Variants in FAM81A observed in about 807,000 individuals in gnomAD.
The protein encoded by FAM81A is protein FAM81A.
A neutral mutation model predicts 46.7 loss-of-function variants in FAM81A; 19 were observed. That is an observed-to-expected ratio of 0.41 (90% confidence interval 0.28 to 0.60). FAM81A has a LOEUF of 0.60. Among genes scored for constraint, FAM81A ranks in the 20% least tolerant of loss-of-function variants. FAM81A has a pLI of 0.34. For missense variants in FAM81A, 377 were observed against 453.5 expected (o/e 0.83, Z 1.53); for synonymous variants, 183 against 152.9 (o/e 1.20, Z -1.45).
At chr15:59,465,355 C>A (rs4775169) in intron 3 of FAM81A, among the ~76,000 whole-genome samples, 6 of 152,078 alleles carry the variant, frequency 3.9e-5, no homozygotes, top group African/African-American at 1.2e-4. Flanking sequence ...TCACGGCAAC[C>A]TCAGCCTCCC....
At chr15:59,471,646 T>C (rs1377807539) in intron 3 of FAM81A, among the ~76,000 whole-genome samples, 1 of 151,478 alleles carries the variant, frequency 6.6e-6, no homozygotes, top group Non-Finnish European at 1.5e-5. Context: ...TATTTTTTTT[T>C]TTTGTAGAGA....
chr15:59,402,110 G>A (rs9302209), intron 1 of FAM81A: 376,140 of 376,190 alleles, frequency 1, 188,046 homozygotes, highest in Non-Finnish European at 1. Context: ...CCTGACAGGA[G>A]AGTGATTTTA....
At chr15:59,509,966 G>A (rs1483778788) in intron 6 of FAM81A, among the ~76,000 whole-genome samples, 7 of 152,128 alleles carry the variant, frequency 4.6e-5, no homozygotes, top group African/African-American at 1.7e-4. Flanking sequence ...TATGCCTAAT[G>A]AGAATCTTAT....
intron 1 of FAM81A, among the ~76,000 whole-genome samples, chr15:59,447,632 A>T (rs1048955310): frequency 6.6e-6 from 1 of 152,206 alleles, no homozygotes. Context: ...GTCAATCTAG[A>T]TACATTGGCT....
intron 2 of FAM81A, among the ~76,000 whole-genome samples, chr15:59,424,832 T>C (rs1218743422): frequency 6.6e-6 from 1 of 152,174 alleles, no homozygotes. Flanking sequence ...ACTACTACAA[T>C]AGCCTTAAAA....
In FAM81A at chr15:59,516,713, G is replaced by A; in HGVS notation, c.855G>A (p.Glu285=). ...CAGCCAGGCTTGACAAAATAGAAGA[G>A]GGTCAAAAGAAGACTTTTGATGGTC... ...QMSARLDKIE[E]GQKKTFDGQR... Residue 285 remains glutamate (E), a synonymous_variant, in exon 8 of 9, where the codon GAG becomes GAA. Transcript: ENST00000288228. 2 of 1,613,626 alleles carry A rather than the reference G, an allele frequency of 1.2e-6. No individual in the cohort carries two copies. Among genetic ancestry groups the A allele is most frequent in the Non-Finnish European group, 1.7e-6 (2 of 1,179,752 alleles).
chr15:59,452,006 A>G (rs768526161), intron 1 of FAM81A, among the ~76,000 whole-genome samples: 69 of 152,378 alleles, frequency 4.5e-4, no homozygotes, highest in Non-Finnish European at 9.0e-4. Context: ...AGCATGCAGC[A>G]TAGAGCCAAA....
At chr15:59,413,972 G>A (rs891796666) in intron 2 of FAM81A, among the ~76,000 whole-genome samples, 1 of 151,966 alleles carries the variant, frequency 6.6e-6, no homozygotes, top group Admixed American at 6.6e-5. Flanking sequence ...TCTTTTTTTA[G>A]AGACAGAATC....
intron 6 of FAM81A, among the ~76,000 whole-genome samples, chr15:59,511,480 G>A (rs1184187670): frequency 1.3e-5 from 2 of 152,206 alleles, no homozygotes; most frequent in African/African-American, 2.4e-5. Context: ...TAGCAAGGAT[G>A]TGGGGAACAG....
intron 2 of FAM81A, among the ~76,000 whole-genome samples, chr15:59,409,959 A>G (rs2081113189): frequency 6.6e-6 from 1 of 152,196 alleles, no homozygotes; most frequent in Non-Finnish European, 1.5e-5. Context: ...AGATGATATC[A>G]GTACTATTAT....
At chr15:59,443,131 G>A (rs1336998017) in intron 1 of FAM81A, among the ~76,000 whole-genome samples, 7 of 152,184 alleles carry the variant, frequency 4.6e-5, no homozygotes, top group African/African-American at 7.2e-5. Context: ...TGCCCAGGGC[G>A]GAACGCAATG....
intron 2 of FAM81A, among the ~76,000 whole-genome samples, chr15:59,428,867 G>C (rs1369714059): frequency 6.6e-6 from 1 of 152,132 alleles, no homozygotes; most frequent in Admixed American, 6.6e-5. Context: ...CTGAGCACAA[G>C]TGATCTGCCT....
At chr15:59,412,767 T>A (rs1381977295) in intron 2 of FAM81A, among the ~76,000 whole-genome samples, 1 of 151,124 alleles carries the variant, frequency 6.6e-6, no homozygotes, top group East Asian at 1.9e-4. Flanking sequence ...CCCTGGACTG[T>A]CTCTGCTGCC....
intron 3 of FAM81A, among the ~76,000 whole-genome samples, chr15:59,486,988 ATAT>A (rs1733056285): frequency 1.3e-5 from 2 of 151,936 alleles, no homozygotes; most frequent in African/African-American, 2.4e-5. Context: ...AAAACGCAGA[ATAT>A]TATAATACTG....
chr15:59,457,883 G>A (rs1411908131), intron 1 of FAM81A, among the ~76,000 whole-genome samples: 2 of 152,134 alleles, frequency 1.3e-5, no homozygotes, highest in Non-Finnish European at 2.9e-5. Flanking sequence ...AAATAATAAA[G>A]TATTTTAAAC....
intron 8 of FAM81A, 124 bp from the exon 9 acceptor site, chr15:59,521,130 A>G (rs1165752719): frequency 9.3e-7 from 1 of 1,079,194 alleles, no homozygotes; most frequent in Non-Finnish European, 1.3e-6. Flanking sequence ...TCATACTTTC[A>G]TCCCAGAGGT....
At chr15:59,470,497 G>T (rs1359868374) in intron 3 of FAM81A, among the ~76,000 whole-genome samples, 1 of 151,976 alleles carries the variant, frequency 6.6e-6, no homozygotes. Context: ...GATTGAATCG[G>T]CTATTGAAGC....
chr15:59,491,967 A>T (rs1362332178), intron 3 of FAM81A, among the ~76,000 whole-genome samples: 8 of 148,406 alleles, frequency 5.4e-5, no homozygotes, highest in Admixed American at 5.4e-4. Context: ...CTCCATCTCA[A>T]AAAAAAAAGA....
At chr15:59,515,923 G>A (rs774157653) in intron 7 of FAM81A, among the ~76,000 whole-genome samples, 1 of 152,146 alleles carries the variant, frequency 6.6e-6, no homozygotes, top group Non-Finnish European at 1.5e-5. Flanking sequence ...CAGTGACCCA[G>A]GATCCTTCCA....
Sources: allele counts gnomAD v4.1 joint callset (sites outside exome capture counted in the v4.1 genomes callset), GRCh38; gene constraint gnomAD v4.1.1; transcripts MANE v1.5; gene names NCBI Gene and HGNC (gene_info 2026-07-23, HGNC 2026-07-21).